The following ACCSL variants were observed in gnomAD, a reference collection of about 807,000 sequenced individuals.
The protein encoded by ACCSL is probable inactive 1-aminocyclopropane-1-carboxylate synthase-like protein 2.
Under a neutral mutation model 61.7 loss-of-function variants are expected in ACCSL, and 55 were observed. That is an observed-to-expected ratio of 0.89 (90% CI 0.72 to 1.12). ACCSL has a LOEUF of 1.12. Ranked by LOEUF, ACCSL falls within the 50% of genes most tolerant of loss-of-function variation. ACCSL has a pLI of 0.00. For missense variants in ACCSL, 632 were observed against 698.0 expected, an observed-to-expected ratio of 0.91 and a Z score of 1.07; for synonymous variants, 258 against 264.3, an observed-to-expected ratio of 0.98 and a Z score of 0.23.
At chr11:43,989,482 G>T in the ACCSL span, among the ~76,000 whole-genome samples, 1 of 152,216 alleles carries the variant, frequency 6.6e-6, no homozygotes, top group South Asian at 2.1e-4. Flanking sequence ...TTTCCTGCCT[G>T]GGGCCATGTG....
the ACCSL span, among the ~76,000 whole-genome samples, chr11:44,033,502 C>T: frequency 1.0e-3 from 155 of 152,288 alleles, no homozygotes; most frequent in Middle Eastern, 0.02. Flanking sequence ...GCCATTGACA[C>T]GGCCACCACT....
the ACCSL span, chr11:43,942,783 C>T: frequency 1.8e-6 from 1 of 549,430 alleles, no homozygotes. Context: ...CACCCCGCAG[C>T]AGATTTGGAT....
the ACCSL span, among the ~76,000 whole-genome samples, chr11:44,002,178 G>C: frequency 5.9e-5 from 9 of 151,822 alleles, no homozygotes; most frequent in African/African-American, 2.2e-4. Context: ...CCTGTGTTAC[G>C]TGGCCCCAGA....
At chr11:44,056,852 T>C (rs1590432914) in intron 11 of ACCSL, among the ~76,000 whole-genome samples, 1 of 152,192 alleles carries the variant, frequency 6.6e-6, no homozygotes, top group East Asian at 1.9e-4. Context: ...AACAAAAAAC[T>C]ACAGGATGAG....
At chr11:44,056,016 T>C in intron 9 of ACCSL, 24 bp from the exon 10 acceptor site, 5 of 1,613,988 alleles carry the variant, frequency 3.1e-6, no homozygotes, top group Non-Finnish European at 4.2e-6. Flanking sequence ...ATAACCTTAG[T>C]TAATTTTTCC....
At chr11:44,040,182 G>A in the ACCSL span, among the ~76,000 whole-genome samples, 1 of 152,164 alleles carries the variant, frequency 6.6e-6, no homozygotes, top group Non-Finnish European at 1.5e-5. Context: ...CTCAGATATG[G>A]GGAAAAGTCA....
At chr11:43,963,415 A>G in the ACCSL span, among the ~76,000 whole-genome samples, 1 of 152,196 alleles carries the variant, frequency 6.6e-6, no homozygotes, top group Non-Finnish European at 1.5e-5. Flanking sequence ...TCCAGGCCCA[A>G]GATCGTGGGC....
At chr11:43,982,621 A>T in the ACCSL span, among the ~76,000 whole-genome samples, 1 of 152,044 alleles carries the variant, frequency 6.6e-6, no homozygotes, top group Non-Finnish European at 1.5e-5. Flanking sequence ...GTGTCTGCTG[A>T]GCACGTGGCC....
chr11:44,032,214 G>T, the ACCSL span, among the ~76,000 whole-genome samples: 1 of 150,102 alleles, frequency 6.7e-6, no homozygotes, highest in Non-Finnish European at 1.5e-5. Context: ...TGCTTTGCTG[G>T]GGCTGGGATA....
At chr11:44,019,903 A>T in the ACCSL span, among the ~76,000 whole-genome samples, 1 of 152,200 alleles carries the variant, frequency 6.6e-6, no homozygotes, top group African/African-American at 2.4e-5. Context: ...TAGACCTCTG[A>T]TCCATCTGGA....
At chr11:43,931,017 A>G in the ACCSL span, among the ~76,000 whole-genome samples, 3 of 152,178 alleles carry the variant, frequency 2.0e-5, no homozygotes, top group African/African-American at 7.2e-5. Flanking sequence ...CAGCTCATCT[A>G]GAAGGTTCCT....
At chr11:44,015,491 A>T in the ACCSL span, among the ~76,000 whole-genome samples, 3 of 151,904 alleles carry the variant, frequency 2.0e-5, no homozygotes, top group Non-Finnish European at 2.9e-5. Context: ...CATCATATAG[A>T]CCTCTGAGTC....
At chr11:44,049,464 C>T (rs995533341) in intron 1 of ACCSL, among the ~76,000 whole-genome samples, 18 of 139,016 alleles carry the variant, frequency 1.3e-4, no homozygotes, top group African/African-American at 4.6e-4. Context: ...ACCCTAAGGG[C>T]GATGGGGAAC....
At chr11:44,034,541 T>TGGCATGGAAGG in the ACCSL span, among the ~76,000 whole-genome samples, 1 of 121,302 alleles carries the variant, frequency 8.2e-6, no homozygotes, top group African/African-American at 3.4e-5. Flanking sequence ...AAAAAATATG[T>TGGCATGGAAGG]CTTACATGGT....
the ACCSL span, among the ~76,000 whole-genome samples, chr11:43,947,753 G>T: frequency 1.1e-4 from 3 of 27,998 alleles, no homozygotes; most frequent in Non-Finnish European, 2.8e-4. Context: ...GAGAGAGAGA[G>T]AGAGAGAGAG....
intron 9 of ACCSL, 24 bp downstream of exon 9, chr11:44,055,315 G>A (rs773944913): frequency 6.9e-6 from 11 of 1,592,428 alleles, no homozygotes; most frequent in Non-Finnish European, 9.5e-6. Flanking sequence ...AGCTGGAGTT[G>A]GGAACGAGAA....
the ACCSL span, among the ~76,000 whole-genome samples, chr11:44,026,205 G>C: frequency 6.6e-6 from 1 of 152,026 alleles, no homozygotes; most frequent in Non-Finnish European, 1.5e-5. Flanking sequence ...TCTCTGTTTG[G>C]TTTTCTTTAT....
the ACCSL span, among the ~76,000 whole-genome samples, chr11:43,963,351 G>T: frequency 1.3e-5 from 2 of 152,238 alleles, no homozygotes; most frequent in Non-Finnish European, 2.9e-5. Context: ...GGTTTACCCA[G>T]TGACAAGCTT....
chr11:43,960,914 G>T, the ACCSL span, among the ~76,000 whole-genome samples: 1 of 152,056 alleles, frequency 6.6e-6, no homozygotes, highest in African/African-American at 2.4e-5. Flanking sequence ...CGCTTCCTGG[G>T]TTCAAGCGAT....
Sources: allele counts gnomAD v4.1 joint callset (sites outside exome capture counted in the v4.1 genomes callset), GRCh38; gene constraint gnomAD v4.1.1; transcripts MANE v1.5; gene names NCBI Gene and HGNC (gene_info 2026-07-23, HGNC 2026-07-21).